SLC24A2: variants seen among roughly 807,000 people sequenced by gnomAD.
SLC24A2 encodes the protein solute carrier family 24 member 2.
Under a neutral mutation model 62.0 loss-of-function variants are expected in SLC24A2, and 36 were observed. The observed-to-expected ratio is 0.58, with a 90% confidence interval of 0.44 to 0.77. The LOEUF (loss-of-function observed/expected upper bound fraction) is 0.77, where lower values mean the gene tolerates loss of function less well. SLC24A2 is among the 30% of genes least tolerant of loss of function. SLC24A2 has a pLI of 0.00. For synonymous variants in SLC24A2, 358 were observed against 294.0 expected (o/e 1.22, Z -2.23); for missense variants, 846 against 817.9 (o/e 1.03, Z -0.42).
the SLC24A2 span, among the ~76,000 whole-genome samples, chr9:19,852,076 G>C: frequency 6.6e-6 from 1 of 152,162 alleles, no homozygotes; most frequent in Admixed American, 6.5e-5. Context: ...TTTCTCTAAT[G>C]ATCAGTGACG....
rs145049023 is a variant in SLC24A2 at position 19,749,872 on chromosome 9, A to C, written c.930+36065T>G. Reference sequence around the variant, plus strand: ...TGCTAACATTTTTCTTTAACAGTGTAAAGTAAATGTCACACTGCAGTGCAT... The same window carrying C: ...TGCTAACATTTTTCTTTAACAGTGTCAAGTAAATGTCACACTGCAGTGCAT... On this transcript the variant is annotated intron_variant, in intron 2 of 10. Coordinates refer to ENST00000341998, the MANE Select transcript of SLC24A2 (RefSeq NM_020344.4). Among the ~76,000 whole-genome samples, 43 of 152,350 alleles carry C rather than the reference A, an allele frequency of 2.8e-4. No homozygotes were observed. In the East Asian group the frequency reaches 8.3e-3, roughly 29 times the overall value.
chr9:19,632,112 T>A lies in SLC24A2; in HGVS notation c.931-9813A>T, dbSNP rs1400297313. Among the ~76,000 whole-genome samples the A allele has an allele frequency of 6.6e-6, 1 of 152,160 alleles. No homozygotes were observed. Among genetic ancestry groups the A allele is most frequent in the African/African-American group, 2.4e-5 (1 of 41,442 alleles). ...TAGTGGGGCTTGACATGAGGACAGTTACCTTCTCAATTGTCCCTGGGGCTG... is the reference window on the plus strand; with the variant it reads ...TAGTGGGGCTTGACATGAGGACAGTAACCTTCTCAATTGTCCCTGGGGCTG... On this transcript the variant is annotated intron_variant, in intron 2 of 10. Transcript: ENST00000341998. The surrounding 1 kb of genome is among the most constrained non-coding windows in gnomAD (Gnocchi z 4.5).
the SLC24A2 span, among the ~76,000 whole-genome samples, chr9:20,294,847 A>C: frequency 6.6e-6 from 1 of 152,236 alleles, no homozygotes; most frequent in South Asian, 2.1e-4. Context: ...ATCAAAGGTC[A>C]TGTTCCTACA....
the SLC24A2 span, among the ~76,000 whole-genome samples, chr9:20,043,075 AG>A: frequency 2.2e-4 from 34 of 152,184 alleles, no homozygotes; most frequent in Non-Finnish European, 3.5e-4. Flanking sequence ...TGAAAGAAAG[AG>A]TCACACACCT....
chr9:20,286,113 C>A, the SLC24A2 span, among the ~76,000 whole-genome samples: 1 of 152,180 alleles, frequency 6.6e-6, no homozygotes, highest in African/African-American at 2.4e-5. Flanking sequence ...TATGCCTGCA[C>A]TGAGCTATGC....
At chr9:20,165,656 C>G in the SLC24A2 span, among the ~76,000 whole-genome samples, 1 of 151,722 alleles carries the variant, frequency 6.6e-6, no homozygotes, top group African/African-American at 2.4e-5. Flanking sequence ...TATCAGGGAT[C>G]CATGTTTTTT....
the SLC24A2 span, among the ~76,000 whole-genome samples, chr9:20,080,197 G>A: frequency 1.1e-4 from 16 of 152,282 alleles, no homozygotes; most frequent in East Asian, 5.8e-4. Context: ...GAACAAAGCT[G>A]GAGGCATCAG....
chr9:20,152,224 T>C, the SLC24A2 span, among the ~76,000 whole-genome samples: 1 of 151,914 alleles, frequency 6.6e-6, no homozygotes, highest in East Asian at 1.9e-4. Flanking sequence ...AGATTTATAT[T>C]TATAAGAAGG....
At chr9:19,760,665 C>A (rs759443870) in intron 2 of SLC24A2, among the ~76,000 whole-genome samples, 7 of 151,798 alleles carry the variant, frequency 4.6e-5, no homozygotes, top group Non-Finnish European at 8.8e-5. Flanking sequence ...TGGTTTCCAG[C>A]GTCATCTATG....
chr9:20,204,868 C>T, the SLC24A2 span, among the ~76,000 whole-genome samples: 6 of 151,738 alleles, frequency 4.0e-5, no homozygotes, highest in African/African-American at 1.5e-4. Context: ...CTCAGCCTCC[C>T]GAGTAGCCTG....
chr9:20,139,741 C>G, the SLC24A2 span, among the ~76,000 whole-genome samples: 1 of 152,326 alleles, frequency 6.6e-6, no homozygotes, highest in South Asian at 2.1e-4. Context: ...CTGCCCCTAT[C>G]TGCCTCCTGT....
At chr9:20,042,684 G>C in the SLC24A2 span, among the ~76,000 whole-genome samples, 2 of 152,194 alleles carry the variant, frequency 1.3e-5, no homozygotes, top group African/African-American at 4.8e-5. Context: ...GCACTTTGCA[G>C]GTAGTGTGTT....
chr9:20,301,713 A>G, the SLC24A2 span, among the ~76,000 whole-genome samples: 27 of 152,202 alleles, frequency 1.8e-4, no homozygotes, highest in African/African-American at 6.5e-4. Flanking sequence ...AGCGTGGTAC[A>G]TTTGTTACAA....
At chr9:19,693,944 G>C (rs1163965975) in intron 2 of SLC24A2, among the ~76,000 whole-genome samples, 2 of 151,912 alleles carry the variant, frequency 1.3e-5, no homozygotes, top group Non-Finnish European at 2.9e-5. Context: ...GGTTGGGGGA[G>C]GAAAAATGGT....
chr9:20,261,733 CTTTTT>C, the SLC24A2 span, among the ~76,000 whole-genome samples: 3 of 75,282 alleles, frequency 4.0e-5, no homozygotes, highest in East Asian at 4.8e-4. Context: ...AACACCAAAT[CTTTTT>C]TTTTTTTTTT....
chr9:20,299,136 T>C, the SLC24A2 span, among the ~76,000 whole-genome samples: 1 of 152,262 alleles, frequency 6.6e-6, no homozygotes, highest in East Asian at 1.9e-4. Flanking sequence ...TGAAGATTCA[T>C]AGAGAGGGAG....
At chr9:20,258,821 C>CTACTT in the SLC24A2 span, among the ~76,000 whole-genome samples, 1 of 127,230 alleles carries the variant, frequency 7.9e-6, no homozygotes, top group Admixed American at 8.7e-5. Context: ...TCTACCTTAT[C>CTACTT]TATCTATCTA....
chr9:19,555,085 T>G (rs1054368840), intron 7 of SLC24A2, among the ~76,000 whole-genome samples: 1 of 152,190 alleles, frequency 6.6e-6, no homozygotes, highest in Admixed American at 6.5e-5. Context: ...TCTTGGTGTT[T>G]ATAGGAAATT....
At chr9:19,823,865 C>T in the SLC24A2 span, among the ~76,000 whole-genome samples, 2 of 152,104 alleles carry the variant, frequency 1.3e-5, no homozygotes, top group East Asian at 1.9e-4. Context: ...AGAAATAACA[C>T]CACACATCTA....
Sources: allele counts gnomAD v4.1 joint callset (sites outside exome capture counted in the v4.1 genomes callset), GRCh38; gene constraint gnomAD v4.1.1; non-coding constraint Gnocchi (gnomAD v3.1); transcripts MANE v1.5; gene names NCBI Gene and HGNC (gene_info 2026-07-23, HGNC 2026-07-21).